Variants in COL15A1 observed in about 807,000 individuals in gnomAD.
COL15A1 encodes the protein collagen type XV alpha 1 chain.
A neutral mutation model predicts 165.9 loss-of-function variants in COL15A1; 111 were observed. The ratio of observed to expected loss-of-function variants is 0.67; its 90% CI spans 0.57 to 0.78. The LOEUF (loss-of-function observed/expected upper bound fraction) is 0.78. COL15A1 is among the 30% of genes least tolerant of loss of function. COL15A1 has a pLI of 0.00. For missense variants in COL15A1, 1,745 were observed against 1,789.7 expected, an observed-to-expected ratio of 0.98 and a Z score of 0.45; for synonymous variants, 659 against 674.8, an observed-to-expected ratio of 0.98 and a Z score of 0.36.
At position 99,020,359 on chromosome 9, in the gene COL15A1, C is replaced by T. The variant is rs1050030211; in HGVS notation, c.1648-30C>T. 3 of 1,580,124 alleles carry T rather than the reference C, an allele frequency of 1.9e-6. No individual in the cohort carries two copies. The Admixed American group carries it at 5.0e-5, about 26-fold the overall frequency. ...GCCCCATGTCCCAAATATGTTGTGG[C>T]CACGTTTTAACCAAATCTTCTTCTT... On this transcript the variant is annotated intron_variant, in intron 11 of 41. Transcript: ENST00000375001.
intron 2 of COL15A1, among the ~76,000 whole-genome samples, chr9:98,947,946 T>G (rs868394297): frequency 6.6e-6 from 1 of 152,234 alleles, no homozygotes; most frequent in South Asian, 2.1e-4. Flanking sequence ...TGAACTTAGA[T>G]GAGTTGCTTT....
At chr9:99,057,987 G>A (rs1012346877) in intron 35 of COL15A1, among the ~76,000 whole-genome samples, 1 of 152,162 alleles carries the variant, frequency 6.6e-6, no homozygotes, top group African/African-American at 2.4e-5. Flanking sequence ...GGAGTGAACA[G>A]TCAACTTGTG....
At chr9:99,020,978 A>G (rs1839017334) in intron 12 of COL15A1, among the ~76,000 whole-genome samples, 1 of 152,218 alleles carries the variant, frequency 6.6e-6, no homozygotes, top group African/African-American at 2.4e-5. Flanking sequence ...GGGGATGTTT[A>G]TAGAAGTGCT....
intron 2 of COL15A1, among the ~76,000 whole-genome samples, chr9:98,971,745 C>T (rs983298065): frequency 1.4e-4 from 22 of 152,214 alleles, no homozygotes; most frequent in Non-Finnish European, 2.1e-4. Context: ...CGCGTGTGTG[C>T]GCATGCACGT....
At chr9:98,955,770 A>G (rs1837766415) in intron 2 of COL15A1, among the ~76,000 whole-genome samples, 1 of 152,238 alleles carries the variant, frequency 6.6e-6, no homozygotes, top group Non-Finnish European at 1.5e-5. Context: ...GACAAGCTGA[A>G]CCCAAGTTCT....
At chr9:98,972,511 C>T (rs1037457591) in intron 2 of COL15A1, among the ~76,000 whole-genome samples, 1 of 152,204 alleles carries the variant, frequency 6.6e-6, no homozygotes, top group African/African-American at 2.4e-5. Flanking sequence ...GTTTTCTAAC[C>T]TGCAAATGGG....
chr9:98,986,306 TAA>T, intron 3 of COL15A1, 194 bp downstream of exon 3: 1 of 569,264 alleles, frequency 1.8e-6, no homozygotes, highest in Non-Finnish European at 3.1e-6. Context: ...ACTTACCTTG[TAA>T]ATTTGAGACA....
At position 99,034,586 on chromosome 9, in the gene COL15A1, TA is replaced by T. The variant is rs60290557; in HGVS notation, c.2079+30del. ...CCTAATGGCTCAGTTGGTGAAAAGG[TA>T]AAAAAAAAAAAAAAAAAAAAAAAAA... On this transcript the variant is annotated splice_donor_region_variant and intron_variant, in intron 17 of 41. Transcript: ENST00000375001. The T allele has an allele frequency of 0.11, 116,847 of 1,055,558 alleles. 48 individuals are homozygous for T. Among genetic ancestry groups the T allele is most frequent in the Non-Finnish European group, 0.12 (103,042 of 849,134 alleles). The allele number at this position is 1,055,558 out of a possible 1,614,324, so 65.4% of individuals were successfully genotyped here.
chr9:98,977,293 C>T (rs1230364023), intron 2 of COL15A1, among the ~76,000 whole-genome samples: 1 of 152,196 alleles, frequency 6.6e-6, no homozygotes, highest in Admixed American at 6.5e-5. Flanking sequence ...GATGTCTTCC[C>T]ACCAGCTGTG....
At chr9:99,039,262 A>G (rs1348915199) in intron 22 of COL15A1, among the ~76,000 whole-genome samples, 3 of 152,188 alleles carry the variant, frequency 2.0e-5, no homozygotes, top group African/African-American at 7.2e-5. Context: ...TGTAATCCCA[A>G]CACTTTGGGA....
Position 99,020,363 on chromosome 9 carries a change from G to C in COL15A1, c.1648-26G>C, listed in dbSNP as rs373221760. 2.5e-6 allele frequency: 4 copies of C among 1,597,794 alleles called. No individual in the cohort carries two copies. In the African/African-American group the frequency reaches 5.4e-5, roughly 21 times the overall value. On this transcript the variant is annotated intron_variant, in intron 11 of 41. Transcript: ENST00000375001. ...CATGTCCCAAATATGTTGTGGCCAC[G>C]TTTTAACCAAATCTTCTTCTTTTAG...
At chr9:98,997,993 A>C (rs1259823712) in intron 6 of COL15A1, 1 of 152,216 alleles carries the variant, frequency 6.6e-6, no homozygotes, top group Non-Finnish European at 1.5e-5. Context: ...CAGCCCTGAC[A>C]CTGGTGATAC....
chr9:99,062,598 T>C (rs753826836), intron 38 of COL15A1, among the ~76,000 whole-genome samples: 23 of 152,152 alleles, frequency 1.5e-4, no homozygotes, highest in Non-Finnish European at 2.8e-4. Flanking sequence ...AATCATTGGT[T>C]GGTATAAGCA....
chr9:99,035,088 A>T lies in COL15A1; in HGVS notation c.2154A>T (p.Gly718=), dbSNP rs759758700. 103 of 1,602,704 alleles carry T rather than the reference A, an allele frequency of 6.4e-5. No homozygotes were observed. The highest frequency in any genetic ancestry group is 9.4e-6 in the Non-Finnish European group (11 of 1,170,178). The change falls in exon 18 of 42, where the codon GGA becomes GGT. Residue 718 remains glycine, a synonymous_variant. Coordinates refer to ENST00000375001, the MANE Select transcript of COL15A1 (RefSeq NM_001855.5). ...AAGCTGGCCCTCCTGGGGTCATGGG[A>T]CCCCCAGGGCCTCCTGGACCCCCTG... ...KGQAGPPGVM[G]PPGPPGPPGP...
chr9:98,994,536 C>T (rs144175643), intron 5 of COL15A1, among the ~76,000 whole-genome samples: 2 of 152,124 alleles, frequency 1.3e-5, no homozygotes, highest in South Asian at 2.1e-4. Context: ...TGCATCACTC[C>T]GAATCATGGT....
At chr9:99,011,229 G>T (rs1009732772) in intron 9 of COL15A1, among the ~76,000 whole-genome samples, 1 of 151,672 alleles carries the variant, frequency 6.6e-6, no homozygotes, top group Non-Finnish European at 1.5e-5. Flanking sequence ...GTGTATAAGT[G>T]GTTTTTTAAA....
chr9:98,985,434 A>C lies in COL15A1; in HGVS notation c.101-131A>C, dbSNP rs939376061. The stretch of plus-strand genomic sequence containing the variant: ...GTCGTTGTCAAAACGTTTGAAAAAC[A>C]ACCATTTAGGAACTACAGTTTCAGT... On this transcript the variant is annotated intron_variant, in intron 2 of 41. Transcript: ENST00000375001. 14 of 927,498 alleles carry C rather than the reference A, an allele frequency of 1.5e-5. No individual in the cohort carries two copies. The Admixed American group carries it at 3.6e-4, about 24-fold the overall frequency. 57.5% of individuals were successfully genotyped at this position (927,498 alleles called of 1,614,324 possible). A position where few individuals can be genotyped will look rare whatever the true frequency, so the allele number is the denominator to read the frequency against.
At position 99,070,631 on chromosome 9, in the gene COL15A1, T is replaced by G. The variant is rs1044340749; in HGVS notation, c.*745T>G. 11 of 454,340 alleles carry G rather than the reference T, an allele frequency of 2.4e-5. No individual in the cohort carries two copies. The highest frequency in any genetic ancestry group is 6.0e-5 in the African/African-American group (3 of 49,986). The allele number at this position is 454,340 out of a possible 1,614,324, so 28.1% of individuals were successfully genotyped here. A position where few individuals can be genotyped will look rare whatever the true frequency, so the allele number is the denominator to read the frequency against. ...CCCCAACCCCCACCCCACAATTTTA[T>G]GACTTCCATTTGGCAATTGTTGAAT... is the stretch of plus-strand genomic sequence containing the variant. On this transcript the variant is annotated 3_prime_UTR_variant, in exon 42 of 42. Coordinates refer to ENST00000375001, the MANE Select transcript of COL15A1 (RefSeq NM_001855.5).
chr9:98,980,452 G>T (rs916271342), intron 2 of COL15A1, among the ~76,000 whole-genome samples: 1 of 152,218 alleles, frequency 6.6e-6, no homozygotes, highest in African/African-American at 2.4e-5. Flanking sequence ...TAACTGGGCT[G>T]GGCTGGGGCA....
Sources: allele counts gnomAD v4.1 joint callset (sites outside exome capture counted in the v4.1 genomes callset), GRCh38; gene constraint gnomAD v4.1.1; transcripts MANE v1.5; gene names NCBI Gene and HGNC (gene_info 2026-07-23, HGNC 2026-07-21).